The following FAM110B variants were observed in gnomAD, a reference collection of about 807,000 sequenced individuals.
FAM110B encodes protein FAM110B.
A neutral mutation model predicts 20.4 loss-of-function variants in FAM110B; 6 were observed. The ratio of observed to expected loss-of-function variants is 0.29; its 90% CI spans 0.16 to 0.58. The LOEUF is 0.58. Ranked by LOEUF, FAM110B falls within the 20% of genes least tolerant of loss-of-function variation. The probability of loss-of-function intolerance (pLI) is 0.90; values close to 1 mark genes in which losing one functional copy is unlikely to be tolerated. For missense variants in FAM110B, 434 were observed against 498.2 expected, an observed-to-expected ratio of 0.87 and a Z score of 1.23; for synonymous variants, 226 against 214.1, an observed-to-expected ratio of 1.06 and a Z score of -0.49.
At chr8:58,026,506 A>C (rs977273587) in intron 1 of FAM110B, among the ~76,000 whole-genome samples, 1 of 152,118 alleles carries the variant, frequency 6.6e-6, no homozygotes, top group Non-Finnish European at 1.5e-5. Flanking sequence ...ATTCTATTGT[A>C]TATCATTTTA....
intron 2 of FAM110B, among the ~76,000 whole-genome samples, chr8:58,075,273 T>TGGTGTGTGTGTGTGTGTGTGTGTGTGTG (rs58047108): frequency 6.9e-6 from 1 of 144,974 alleles, no homozygotes; most frequent in African/African-American, 2.8e-5. Context: ...TTTTTTTTTT[T>TGGTGTGTGTGTGTGTGTGTGTGTGTGTG]TTTGTGTGTG....
At chr8:58,034,787 T>C (rs981023630) in intron 2 of FAM110B, among the ~76,000 whole-genome samples, 7 of 152,204 alleles carry the variant, frequency 4.6e-5, no homozygotes, top group Non-Finnish European at 1.0e-4. Flanking sequence ...AGGTGGTGTA[T>C]ATAAATACAT....
chr8:58,104,140 C>T (rs761362880), intron 3 of FAM110B, among the ~76,000 whole-genome samples: 2 of 152,192 alleles, frequency 1.3e-5, no homozygotes, highest in African/African-American at 4.8e-5. Flanking sequence ...TACCTGTCAA[C>T]TTAAGAAACA....
chr8:58,021,537 C>G (rs534783188), intron 1 of FAM110B, among the ~76,000 whole-genome samples: 39 of 152,212 alleles, frequency 2.6e-4, no homozygotes, highest in African/African-American at 7.9e-4. Flanking sequence ...TTTACTGTTT[C>G]ATGTACTGTA....
chr8:58,125,426 C>T (rs1432862011), intron 3 of FAM110B, among the ~76,000 whole-genome samples: 3 of 152,218 alleles, frequency 2.0e-5, no homozygotes, highest in Non-Finnish European at 2.9e-5. Context: ...CTTCTCAATG[C>T]AGTGTCAATT....
rs567351629 is a variant in FAM110B, at chr8:58,093,331, A to G, written c.-325+17708A>G. On this transcript the variant is annotated intron_variant, in intron 3 of 3. Transcript: ENST00000519262. ...AGTCATGAAGTCCTTGCCCATGCCT[A>G]TGTCCTAAATGGTGTTGCCTAGGTT... Among the ~76,000 whole-genome samples, 16 of 152,260 alleles carry G rather than the reference A, an allele frequency of 1.1e-4. No homozygotes were observed. The South Asian group carries it at 1.2e-3, about 12-fold the overall frequency.
At position 58,146,289 on chromosome 8, in the gene FAM110B, C is replaced by A. The variant is rs762199596; in HGVS notation, c.59C>A (p.Thr20Asn). 1.9e-6 allele frequency: 3 copies of A among 1,613,826 alleles called. No homozygotes were observed. Among genetic ancestry groups the A allele is most frequent in the Non-Finnish European group, 1.7e-6 (2 of 1,179,920 alleles). Residue 20 changes from threonine (T) to asparagine (N), a missense_variant, in exon 4 of 4, where the codon ACC (threonine) becomes AAC (asparagine). By Grantham distance (65) the Thr-to-Asn change is moderately conservative (BLOSUM62 0). Transcript: ENST00000519262. The part of the protein sequence containing the change: ...SMVKPVSPAG[T>N]FTSAVPLRIL... ...GTGAAGCCGGTCAGCCCCGCGGGCA[C>A]CTTCACCTCTGCTGTGCCCCTGCGC... is the stretch of plus-strand genomic sequence containing the variant.
intron 1 of FAM110B, among the ~76,000 whole-genome samples, chr8:58,017,887 A>G (rs1280663850): frequency 6.6e-6 from 1 of 152,176 alleles, no homozygotes; most frequent in East Asian, 1.9e-4. Flanking sequence ...ATGTCATGAG[A>G]TTCCCCAGGA....
chr8:58,034,165 C>G (rs2150573990), intron 2 of FAM110B, among the ~76,000 whole-genome samples: 1 of 152,300 alleles, frequency 6.6e-6, no homozygotes, highest in East Asian at 1.9e-4. Flanking sequence ...ATTGAATGGG[C>G]ATGGTGCATC....
chr8:58,082,524 A>G (rs1806224320), intron 3 of FAM110B, among the ~76,000 whole-genome samples: 1 of 152,164 alleles, frequency 6.6e-6, no homozygotes. Flanking sequence ...TCTTTAGTCT[A>G]TGAGGACATT....
At chr8:58,000,434 T>C (rs554237014) in intron 1 of FAM110B, among the ~76,000 whole-genome samples, 12 of 152,264 alleles carry the variant, frequency 7.9e-5, no homozygotes, top group East Asian at 1.9e-4. Context: ...CAGGAAATCA[T>C]ACTCATTTTA....
chr8:58,109,379 T>C (rs1383692629), intron 3 of FAM110B, among the ~76,000 whole-genome samples: 1 of 152,154 alleles, frequency 6.6e-6, no homozygotes, highest in Non-Finnish European at 1.5e-5. Flanking sequence ...TATACAAATC[T>C]AGCCATCACG....
chr8:58,060,715 A>T (rs1805639061), intron 2 of FAM110B, among the ~76,000 whole-genome samples: 1 of 152,212 alleles, frequency 6.6e-6, no homozygotes, highest in Non-Finnish European at 1.5e-5. Context: ...GGAAATTTTA[A>T]GGAAAGAGAT....
chr8:58,130,912 C>T (rs1803448635), intron 3 of FAM110B, among the ~76,000 whole-genome samples: 1 of 152,152 alleles, frequency 6.6e-6, no homozygotes, highest in Admixed American at 6.5e-5. Flanking sequence ...ACCATGAGGC[C>T]GTTGTTTACA....
At chr8:58,075,898 A>T (rs1225879745) in intron 3 of FAM110B, among the ~76,000 whole-genome samples, 3 of 152,204 alleles carry the variant, frequency 2.0e-5, no homozygotes, top group Non-Finnish European at 4.4e-5. Flanking sequence ...TTAGTTTGTT[A>T]AATGCTGTGT....
chr8:58,118,467 G>A (rs1434956324), intron 3 of FAM110B, among the ~76,000 whole-genome samples: 1 of 152,182 alleles, frequency 6.6e-6, no homozygotes, highest in Non-Finnish European at 1.5e-5. Flanking sequence ...GGTTGGGTCT[G>A]GGTGCTTACC....
intron 1 of FAM110B, among the ~76,000 whole-genome samples, chr8:58,016,982 G>A (rs1373193951): frequency 6.6e-6 from 1 of 152,202 alleles, no homozygotes; most frequent in Non-Finnish European, 1.5e-5. Flanking sequence ...AACAGACTTA[G>A]TGAACAGACT....
chr8:58,130,873 AC>A (rs1270640265), intron 3 of FAM110B, among the ~76,000 whole-genome samples: 1 of 152,210 alleles, frequency 6.6e-6, no homozygotes, highest in Non-Finnish European at 1.5e-5. Flanking sequence ...AGTTGCAGCA[AC>A]CTGTCCCTAT....
intron 2 of FAM110B, among the ~76,000 whole-genome samples, chr8:58,047,627 T>TCTCTCTCTCTCTCTCTCTCTCTCA (rs1805355005): frequency 6.8e-6 from 1 of 146,994 alleles, no homozygotes; most frequent in Non-Finnish European, 1.5e-5. Flanking sequence ...TCTCTCTCTC[T>TCTCTCTCTCTCTCTCTCTCTCTCA]CTCTCTCTGA....
Sources: allele counts gnomAD v4.1 joint callset (sites outside exome capture counted in the v4.1 genomes callset), GRCh38; gene constraint gnomAD v4.1.1; transcripts MANE v1.5; gene names NCBI Gene and HGNC (gene_info 2026-07-23, HGNC 2026-07-21).